PACRG: variants seen among roughly 807,000 people sequenced by gnomAD.
PACRG encodes the protein parkin coregulated gene protein.
PACRG carries 29 observed loss-of-function variants against 29.7 expected under a neutral mutation model. That is an observed-to-expected ratio of 0.98 (90% CI 0.73 to 1.33). The LOEUF is 1.33. Ranked by LOEUF, PACRG falls within the 40% of genes most tolerant of loss-of-function variation. The pLI, the probability that PACRG is intolerant of heterozygous loss-of-function variation, is 0.00. For missense variants in PACRG, 279 were observed against 316.2 expected (o/e 0.88, Z 0.89); for synonymous variants, 116 against 118.7 (o/e 0.98, Z 0.15).
At chr6:163,001,178 T>C (rs1804556554) in intron 2 of PACRG, among the ~76,000 whole-genome samples, 1 of 152,222 alleles carries the variant, frequency 6.6e-6, no homozygotes, top group Non-Finnish European at 1.5e-5. Flanking sequence ...GGGTGGGTTG[T>C]GAACTGTTCA....
In PACRG at chr6:163,181,378, T is replaced by C. The variant is rs1003713214; in HGVS notation, c.613+91970T>C. ...ACGGCCGCTTGGGGACAGCAGAGGC[T>C]CAGGGGCAGTGAAAAGCAGTGCCGG... is the stretch of plus-strand genomic sequence containing the variant. On this transcript the variant is annotated intron_variant, in intron 4 of 4. Transcript: ENST00000366888. Among the ~76,000 whole-genome samples the C allele has an allele frequency of 2.0e-5, 3 of 152,052 alleles. No homozygotes were observed. The East Asian group carries it at 5.8e-4, about 29-fold the overall frequency.
chr6:163,027,969 G>A (rs1461366981), intron 2 of PACRG, among the ~76,000 whole-genome samples: 1 of 152,172 alleles, frequency 6.6e-6, no homozygotes, highest in Non-Finnish European at 1.5e-5. Flanking sequence ...AGATCTCTGT[G>A]CAGCACTGCA....
intron 2 of PACRG, among the ~76,000 whole-genome samples, chr6:162,893,653 C>G (rs756553481): frequency 5.3e-5 from 8 of 152,162 alleles, no homozygotes; most frequent in Non-Finnish European, 1.0e-4. Flanking sequence ...TCCCCTTACA[C>G]CTTATGGATT....
intron 4 of PACRG, among the ~76,000 whole-genome samples, chr6:163,155,438 C>T (rs1296529182): frequency 6.6e-6 from 1 of 152,202 alleles, no homozygotes; most frequent in Non-Finnish European, 1.5e-5. Context: ...AAAAGCCTGG[C>T]TGGTCTTGGG....
Position 162,947,608 on chromosome 6 carries a change from A to ATGATTAT in PACRG, c.292-114542_292-114541insTGATTAT, listed in dbSNP as rs1554313269. Among the ~76,000 whole-genome samples the ATGATTAT allele has an allele frequency of 3.3e-3, 217 of 66,356 alleles. 10 individuals carry two copies. Among genetic ancestry groups the ATGATTAT allele is most frequent in the East Asian group, 7.0e-3 (17 of 2,412 alleles). The allele number at this position is 66,356 out of a possible 152,430, so 43.5% of individuals were successfully genotyped here. ...CATATATATAATCATATATATATAT[A>ATGATTAT]ATCATATATATATATATATATATAT... On this transcript the variant is annotated intron_variant, in intron 2 of 4. Transcript: ENST00000366888.
chr6:162,951,353 C>A (rs1376830103), intron 2 of PACRG, among the ~76,000 whole-genome samples: 4 of 152,314 alleles, frequency 2.6e-5, no homozygotes, highest in Middle Eastern at 3.4e-3. Flanking sequence ...TATAGCTGAG[C>A]CCTGATTGGT....
intron 4 of PACRG, among the ~76,000 whole-genome samples, chr6:163,290,173 A>G (rs998500202): frequency 3.3e-5 from 5 of 152,052 alleles, no homozygotes; most frequent in Non-Finnish European, 7.4e-5. Flanking sequence ...GTCCTCTTCC[A>G]GTTACCCACT....
intron 4 of PACRG, among the ~76,000 whole-genome samples, chr6:163,285,016 T>C (rs1784349126): frequency 6.6e-6 from 1 of 152,150 alleles, no homozygotes; most frequent in African/African-American, 2.4e-5. Context: ...CATCAAATAT[T>C]GTCCAAACAG....
intron 1 of PACRG, among the ~76,000 whole-genome samples, chr6:162,731,825 A>C (rs1014001607): frequency 6.6e-6 from 1 of 152,176 alleles, no homozygotes; most frequent in African/African-American, 2.4e-5. Flanking sequence ...TGGCTTCTGT[A>C]ACACTGACCA....
At chr6:162,758,467 G>T (rs1305198939) in intron 1 of PACRG, among the ~76,000 whole-genome samples, 1 of 152,058 alleles carries the variant, frequency 6.6e-6, no homozygotes, top group Admixed American at 6.6e-5. Flanking sequence ...ATTTTGAACT[G>T]TTCCATCTTC....
At chr6:162,912,593 A>T (rs1174915163) in intron 2 of PACRG, among the ~76,000 whole-genome samples, 3 of 142,130 alleles carry the variant, frequency 2.1e-5, no homozygotes, top group African/African-American at 2.6e-5. Flanking sequence ...TTTTTTTGAG[A>T]TGGAGTCTTA....
intron 2 of PACRG, among the ~76,000 whole-genome samples, chr6:162,955,282 G>A (rs998769467): frequency 6.6e-6 from 1 of 152,010 alleles, no homozygotes; most frequent in South Asian, 2.1e-4. Context: ...TATTTTTGTT[G>A]TTGTTGTTGT....
intron 2 of PACRG, among the ~76,000 whole-genome samples, chr6:162,877,423 C>T (rs1457001087): frequency 2.0e-5 from 3 of 151,608 alleles, no homozygotes; most frequent in Admixed American, 2.0e-4. Flanking sequence ...CATCACACAC[C>T]AGGGCCTGTT....
chr6:163,107,502 G>A lies in PACRG; in HGVS notation c.613+18094G>A, dbSNP rs1012973771. On this transcript the variant is annotated intron_variant, in intron 4 of 4. Transcript: ENST00000366888. ...CCTGCCTGAATCTCCTGAGTCACAC[G>A]GCGCACACTGCATCCCATTAGGACT... is the stretch of plus-strand genomic sequence containing the variant. Among the ~76,000 whole-genome samples the A allele has an allele frequency of 2.6e-5, 4 of 152,138 alleles. No individual in the cohort carries two copies. The South Asian group carries it at 6.2e-4, about 24-fold the overall frequency.
intron 3 of PACRG, among the ~76,000 whole-genome samples, chr6:163,077,111 G>A (rs995643811): frequency 2.6e-5 from 4 of 152,120 alleles, no homozygotes; most frequent in Admixed American, 6.5e-5. Context: ...AAAAACTGTC[G>A]CATAAGACTC....
intron 4 of PACRG, among the ~76,000 whole-genome samples, chr6:163,199,268 C>A (rs936780857): frequency 3.3e-5 from 5 of 152,126 alleles, no homozygotes; most frequent in Admixed American, 6.5e-5. Flanking sequence ...TGTTTCCTGC[C>A]CTCAACTAAA....
chr6:163,249,061 G>T (rs892336023), intron 4 of PACRG, among the ~76,000 whole-genome samples: 17 of 146,154 alleles, frequency 1.2e-4, no homozygotes, highest in African/African-American at 4.2e-4. Flanking sequence ...AATCTGGTTT[G>T]TTCTTAATGA....
chr6:163,171,242 C>G (rs1474559802), intron 4 of PACRG, among the ~76,000 whole-genome samples: 1 of 151,708 alleles, frequency 6.6e-6, no homozygotes, highest in Admixed American at 6.6e-5. Flanking sequence ...AGCTTGCCAC[C>G]TAGTAGTCAA....
In PACRG at chr6:163,298,061, G is replaced by A. The variant is rs1585409898; in HGVS notation, c.614-16766G>A. Among the ~76,000 whole-genome samples the A allele has an allele frequency of 1.3e-5, 2 of 152,268 alleles. 1 individual carries two copies. The highest frequency in any genetic ancestry group is 4.1e-4 in the South Asian group (2 of 4,828). On this transcript the variant is annotated intron_variant, in intron 4 of 4. Coordinates refer to ENST00000366888, the MANE Select transcript of PACRG (RefSeq NM_001080379.2). Reference sequence around the variant, plus strand: ...TCTTCATCACATCTCTCTGCTCTCTGAAATAGTGCTTATTGCATCGACCAA... The same window carrying A: ...TCTTCATCACATCTCTCTGCTCTCTAAAATAGTGCTTATTGCATCGACCAA...
Sources: allele counts gnomAD v4.1 joint callset (sites outside exome capture counted in the v4.1 genomes callset), GRCh38; gene constraint gnomAD v4.1.1; transcripts MANE v1.5; gene names NCBI Gene and HGNC (gene_info 2026-07-23, HGNC 2026-07-21).